The following INTS4 variants were observed in gnomAD, a reference collection of about 807,000 sequenced individuals.
INTS4 encodes integrator complex subunit 4.
INTS4 carries 70 observed loss-of-function variants against 119.5 expected under a neutral mutation model. That is an observed-to-expected ratio of 0.59 (90% CI 0.48 to 0.71). INTS4 has a LOEUF of 0.71. Ranked by LOEUF, INTS4 falls within the 30% of genes least tolerant of loss-of-function variation. The pLI, the probability that INTS4 is intolerant of heterozygous loss-of-function variation, is 0.00. For synonymous variants in INTS4, 316 were observed against 419.6 expected, an observed-to-expected ratio of 0.75 and a Z score of 3.02; for missense variants, 867 against 1,173.2, an observed-to-expected ratio of 0.74 and a Z score of 3.81.
At chr11:77,950,849 T>G (rs1247638820) in intron 8 of INTS4, among the ~76,000 whole-genome samples, 1 of 151,108 alleles carries the variant, frequency 6.6e-6, no homozygotes, top group Non-Finnish European at 1.5e-5. Context: ...ATTAGGTATA[T>G]CTCCTAATGC....
chr11:77,938,095 C>T (rs1953845013), intron 10 of INTS4, among the ~76,000 whole-genome samples: 2 of 151,846 alleles, frequency 1.3e-5, no homozygotes, highest in Non-Finnish European at 2.9e-5. Context: ...GATCCTCCAG[C>T]CTCAGCCTCC....
chr11:77,876,612 C>T (rs1951601581), downstream of INTS4, among the ~76,000 whole-genome samples: 1 of 152,102 alleles, frequency 6.6e-6, no homozygotes, highest in Admixed American at 6.6e-5. Context: ...GAATTCTATA[C>T]CCCCTAGTAC....
At chr11:77,942,683 G>A (rs906631235) in intron 8 of INTS4, among the ~76,000 whole-genome samples, 1 of 152,100 alleles carries the variant, frequency 6.6e-6, no homozygotes, top group Non-Finnish European at 1.5e-5. Flanking sequence ...ATGACTAATG[G>A]ACCATAAGGA....
At chr11:77,927,997 CCT>C (rs1330125735) in intron 11 of INTS4, among the ~76,000 whole-genome samples, 2 of 152,044 alleles carry the variant, frequency 1.3e-5, no homozygotes, top group Non-Finnish European at 2.9e-5. Context: ...AGAGTGAGAC[CCT>C]GTCTCAAAAG....
At chr11:77,992,188 A>C (rs1425588607) in intron 1 of INTS4, among the ~76,000 whole-genome samples, 3 of 152,012 alleles carry the variant, frequency 2.0e-5, no homozygotes, top group African/African-American at 7.2e-5. Flanking sequence ...ACTTGAGGCC[A>C]GGAGTTCAAG....
chr11:77,921,727 A>AT (rs1953365249), intron 13 of INTS4, among the ~76,000 whole-genome samples: 1 of 152,240 alleles, frequency 6.6e-6, no homozygotes, highest in Non-Finnish European at 1.5e-5. Flanking sequence ...AAGCAACTAT[A>AT]TTGCCTATCA....
At chr11:77,937,173 AC>A (rs1003416983) in intron 10 of INTS4, among the ~76,000 whole-genome samples, 15 of 151,132 alleles carry the variant, frequency 9.9e-5, no homozygotes, top group Admixed American at 4.0e-4. Flanking sequence ...TCCCCGCCAC[AC>A]CCCCCGAAAA....
chr11:77,936,813 CAAT>C (rs1953803752), intron 10 of INTS4, among the ~76,000 whole-genome samples: 1 of 152,068 alleles, frequency 6.6e-6, no homozygotes, highest in African/African-American at 2.4e-5. Context: ...AGCTGTAAAA[CAAT>C]GTCAGTATCC....
chr11:77,963,380 A>AAAAAT, intron 4 of INTS4: 1 of 403,950 alleles, frequency 2.5e-6, no homozygotes, highest in Non-Finnish European at 4.7e-6. Context: ...AAAAACAAAA[A>AAAAAT]AAACTGCTTT....
chr11:77,981,582 A>T lies in INTS4; in HGVS notation c.247-6T>A. On this transcript the variant is annotated splice_polypyrimidine_tract_variant and splice_region_variant and intron_variant, in intron 2 of 22. Transcript: ENST00000534064. The stretch of plus-strand genomic sequence containing the variant: ...CTCACAGATGGATCATTCTCCTGGA[A>T]AAAAAGAAGCAATTGTCACTTTGAT... 2 of 1,496,774 alleles carry T rather than the reference A, an allele frequency of 1.3e-6. No individual in the cohort carries two copies. The highest frequency in any genetic ancestry group is 1.8e-6 in the Non-Finnish European group (2 of 1,094,224). 92.7% of individuals were successfully genotyped at this position (1,496,774 alleles called of 1,614,324 possible). A position where few individuals can be genotyped will look rare whatever the true frequency, so the allele number is the denominator to read the frequency against.
At chr11:77,912,015 CTT>C (rs1401511896) in intron 15 of INTS4, among the ~76,000 whole-genome samples, 1 of 152,100 alleles carries the variant, frequency 6.6e-6, no homozygotes, top group African/African-American at 2.4e-5. Context: ...CTATTAAACT[CTT>C]TTCATTTATT....
intron 8 of INTS4, among the ~76,000 whole-genome samples, chr11:77,951,225 T>C (rs1015198267): frequency 6.6e-6 from 1 of 152,156 alleles, no homozygotes; most frequent in African/African-American, 2.4e-5. Flanking sequence ...TTATAATCCT[T>C]TGGGTATAGA....
chr11:77,935,342 C>A (rs530975254), intron 10 of INTS4, among the ~76,000 whole-genome samples: 3 of 152,332 alleles, frequency 2.0e-5, no homozygotes, highest in East Asian at 3.9e-4. Context: ...TAGGTCTTCT[C>A]TCCCTGAGTT....
At chr11:77,887,779 C>T (rs1952081421) in intron 21 of INTS4, among the ~76,000 whole-genome samples, 2 of 152,312 alleles carry the variant, frequency 1.3e-5, no homozygotes, top group Admixed American at 1.3e-4. Context: ...ACGCCAATAA[C>T]AGACAAACAG....
At chr11:77,891,536 T>C (rs1196814912) in intron 20 of INTS4, 74 bp from the exon 21 acceptor site, 3 of 1,582,784 alleles carry the variant, frequency 1.9e-6, no homozygotes, top group Admixed American at 3.5e-5. Flanking sequence ...CTTTTTTCTG[T>C]CTCCTTATCT....
intron 4 of INTS4, among the ~76,000 whole-genome samples, chr11:77,962,665 T>C (rs1230102012): frequency 6.6e-6 from 1 of 152,044 alleles, no homozygotes; most frequent in Non-Finnish European, 1.5e-5. Context: ...CAAAACAATA[T>C]TTACCTTATA....
chr11:77,960,268 T>C (rs936378544), intron 6 of INTS4, 73 bp downstream of exon 6: 21 of 1,077,952 alleles, frequency 1.9e-5, no homozygotes, highest in Non-Finnish European at 2.8e-5. Flanking sequence ...TTTCAAATTC[T>C]GAGAACCTGT....
intron 8 of INTS4, among the ~76,000 whole-genome samples, chr11:77,946,048 A>G (rs1430131790): frequency 6.6e-6 from 1 of 152,256 alleles, no homozygotes; most frequent in East Asian, 1.9e-4. Flanking sequence ...CAGCCACCAC[A>G]GCAGCAACTA....
At chr11:77,920,714 T>C (rs1321675989) in intron 14 of INTS4, among the ~76,000 whole-genome samples, 1 of 151,620 alleles carries the variant, frequency 6.6e-6, no homozygotes, top group Non-Finnish European at 1.5e-5. Flanking sequence ...TAGCCGGGCG[T>C]GGTGGCAGGC....
Sources: gnomAD v4.1 joint callset for allele counts (sites outside exome capture counted in the v4.1 genomes callset) on GRCh38, gnomAD v4.1.1 for gene constraint, MANE v1.5 for transcripts, NCBI Gene and HGNC (gene_info 2026-07-23, HGNC 2026-07-21) for gene names.